Variants in SAMD12 observed in about 807,000 individuals in gnomAD.
SAMD12 encodes sterile alpha motif domain containing 12.
SAMD12 carries 9 observed loss-of-function variants against 15.0 expected under a neutral mutation model. That is an observed-to-expected ratio of 0.60 (90% CI 0.36 to 1.05). SAMD12 has a LOEUF of 1.05. SAMD12 is among the 50% of genes least tolerant of loss of function. The pLI, the probability that SAMD12 is intolerant of heterozygous loss-of-function variation, is 0.01. For synonymous variants in SAMD12, 86 were observed against 90.1 expected (o/e 0.96, Z 0.25); for missense variants, 230 against 234.2 (o/e 0.98, Z 0.12).
intron 4 of SAMD12, among the ~76,000 whole-genome samples, chr8:118,345,065 G>T (rs1202880608): frequency 6.6e-6 from 1 of 152,086 alleles, no homozygotes; most frequent in African/African-American, 2.4e-5. Context: ...GCAACCTCCA[G>T]TCTTGCAGGT....
intron 3 of SAMD12, among the ~76,000 whole-genome samples, chr8:118,404,319 G>A (rs906745895): frequency 5.3e-5 from 8 of 152,270 alleles, no homozygotes; most frequent in African/African-American, 1.9e-4. Flanking sequence ...TATTCTCTGA[G>A]TTTCTTGGAT....
chr8:118,485,849 G>A (rs556696731), intron 2 of SAMD12, among the ~76,000 whole-genome samples: 2 of 152,172 alleles, frequency 1.3e-5, no homozygotes, highest in East Asian at 1.9e-4. Context: ...ACTTCCTCAT[G>A]TGTGAAACAA....
intron 4 of SAMD12, among the ~76,000 whole-genome samples, chr8:118,280,434 A>C (rs1380270655): frequency 6.6e-6 from 1 of 152,170 alleles, no homozygotes; most frequent in Non-Finnish European, 1.5e-5. Flanking sequence ...AGATAGAATC[A>C]AGGACAAAGT....
chr8:118,338,991 C>G (rs1817215160), intron 4 of SAMD12, among the ~76,000 whole-genome samples: 1 of 152,196 alleles, frequency 6.6e-6, no homozygotes, highest in African/African-American at 2.4e-5. Context: ...AAACAAAGAT[C>G]TTTGCTTCTC....
intron 4 of SAMD12, among the ~76,000 whole-genome samples, chr8:118,336,228 A>G (rs941932538): frequency 4.6e-5 from 7 of 152,228 alleles, no homozygotes; most frequent in African/African-American, 1.7e-4. Context: ...AGAAAAGGTA[A>G]TTAAACATCA....
chr8:118,368,130 A>G (rs564214883), intron 4 of SAMD12, among the ~76,000 whole-genome samples: 1 of 152,338 alleles, frequency 6.6e-6, no homozygotes, highest in East Asian at 1.9e-4. Context: ...ACTTGATAAA[A>G]TTAGAAATAT....
chr8:118,229,833 G>A (rs1294728751), intron 4 of SAMD12, among the ~76,000 whole-genome samples: 2 of 152,090 alleles, frequency 1.3e-5, no homozygotes, highest in African/African-American at 4.8e-5. Flanking sequence ...GCCCTACCAG[G>A]GCCAGTAATG....
chr8:118,434,402 A>G (rs1393110754), intron 3 of SAMD12, among the ~76,000 whole-genome samples: 1 of 152,120 alleles, frequency 6.6e-6, no homozygotes, highest in Non-Finnish European at 1.5e-5. Context: ...GAAACCCTTT[A>G]TACATTCAAA....
chr8:118,183,269 T>A, the SAMD12 span, among the ~76,000 whole-genome samples: 5 of 152,228 alleles, frequency 3.3e-5, no homozygotes, highest in Non-Finnish European at 7.3e-5. Context: ...CATTTCTTCT[T>A]CTATCATATC....
chr8:118,605,176 A>T (rs1286413747), intron 1 of SAMD12, among the ~76,000 whole-genome samples: 4 of 152,160 alleles, frequency 2.6e-5, no homozygotes, highest in Non-Finnish European at 1.5e-5. Flanking sequence ...CGACCATCAA[A>T]AAGTCCCAGG....
rs188199196 is a variant in SAMD12 at position 118,238,868 on chromosome 8, C to T, written c.434-41136G>A. 1.5e-4 allele frequency among the ~76,000 whole-genome samples: 23 copies of T among 152,174 alleles called. No homozygotes were observed. In the South Asian group the frequency reaches 2.1e-3, roughly 14 times the overall value. ...GTGGACTATCACTCCAAGAGATTTG[C>T]GTTGAATCTGATTACAGGGCTTGTT... On this transcript the variant is annotated intron_variant, in intron 4 of 4. Transcript: ENST00000409003.
chr8:118,224,294 G>A (rs1812140637), intron 4 of SAMD12, among the ~76,000 whole-genome samples: 2 of 152,242 alleles, frequency 1.3e-5, no homozygotes, highest in South Asian at 4.1e-4. Flanking sequence ...AGGTCACACA[G>A]GAATTGTAGG....
At chr8:118,297,783 C>T (rs1338401485) in intron 4 of SAMD12, among the ~76,000 whole-genome samples, 1 of 151,776 alleles carries the variant, frequency 6.6e-6, no homozygotes, top group Non-Finnish European at 1.5e-5. Flanking sequence ...GTAATTATGC[C>T]TTGGGAAAAC....
intron 4 of SAMD12, among the ~76,000 whole-genome samples, chr8:118,259,149 G>A (rs1377479567): frequency 6.6e-6 from 1 of 152,112 alleles, no homozygotes; most frequent in South Asian, 2.1e-4. Context: ...GTGGACTAGA[G>A]ATGTAGGCAA....
intron 4 of SAMD12, among the ~76,000 whole-genome samples, chr8:118,318,934 G>C (rs1297688848): frequency 6.6e-6 from 1 of 152,074 alleles, no homozygotes; most frequent in East Asian, 1.9e-4. Context: ...GCTGGGGACA[G>C]TTTGTCCCCA....
chr8:118,430,884 T>C (rs778719261), intron 3 of SAMD12, among the ~76,000 whole-genome samples: 5 of 152,230 alleles, frequency 3.3e-5, no homozygotes, highest in Non-Finnish European at 7.3e-5. Flanking sequence ...GTTAAGACTA[T>C]TCACATTTAA....
intron 2 of SAMD12, among the ~76,000 whole-genome samples, chr8:118,465,021 G>T (rs1365605646): frequency 2.6e-5 from 4 of 152,192 alleles, no homozygotes; most frequent in African/African-American, 9.7e-5. Context: ...TCCAGAGGAG[G>T]TTCTCCATGC....
At chr8:118,152,716 C>T in the SAMD12 span, among the ~76,000 whole-genome samples, 159 of 152,220 alleles carry the variant, frequency 1.0e-3, 1 homozygote, top group African/African-American at 3.7e-3. Context: ...TCAGGCTGGT[C>T]TTGAACTCCT....
intron 3 of SAMD12, among the ~76,000 whole-genome samples, chr8:118,428,088 T>A (rs775800530): frequency 6.6e-6 from 1 of 152,252 alleles, no homozygotes; most frequent in Non-Finnish European, 1.5e-5. Context: ...TTGTGACGTA[T>A]CATTTCAAAT....
Sources: gnomAD v4.1 joint callset for allele counts (sites outside exome capture counted in the v4.1 genomes callset) on GRCh38, gnomAD v4.1.1 for gene constraint, MANE v1.5 for transcripts, NCBI Gene and HGNC (gene_info 2026-07-23, HGNC 2026-07-21) for gene names.